Variants in PCDHGA2 observed in about 807,000 individuals in gnomAD.
PCDHGA2 encodes protocadherin gamma-A2.
In PCDHGA2, 40 loss-of-function variants were observed where a neutral mutation model predicts 59.2. That is an observed-to-expected ratio of 0.68 (90% CI 0.52 to 0.88). PCDHGA2 has a LOEUF of 0.88. PCDHGA2 is among the 40% of genes least tolerant of loss of function. PCDHGA2 has a pLI of 0.00. For missense variants in PCDHGA2, 1,226 were observed against 1,204.0 expected, an observed-to-expected ratio of 1.02 and a Z score of -0.27; for synonymous variants, 560 against 526.0, an observed-to-expected ratio of 1.06 and a Z score of -0.89.
chr5:141,399,038 A>G (rs1228007346), intron 1 of PCDHGA2: 2 of 1,613,854 alleles, frequency 1.2e-6, no homozygotes, highest in South Asian at 2.2e-5. Context: ...AAGAAACTGG[A>G]TTTTGAAGAG....
intron 1 of PCDHGA2, among the ~76,000 whole-genome samples, chr5:141,348,363 C>T (rs1416750099): frequency 6.6e-6 from 1 of 152,072 alleles, no homozygotes; most frequent in East Asian, 1.9e-4. Context: ...GAGCCTAGGA[C>T]TTTGAGACCT....
At chr5:141,403,276 C>G in intron 1 of PCDHGA2, 7 of 1,613,844 alleles carry the variant, frequency 4.3e-6, no homozygotes, top group Non-Finnish European at 5.1e-6. Context: ...ACTTTAAAGT[C>G]CTGGTTGAAG....
intron 1 of PCDHGA2, among the ~76,000 whole-genome samples, chr5:141,468,246 A>G (rs2099161183): frequency 6.7e-6 from 1 of 149,754 alleles, no homozygotes; most frequent in South Asian, 2.1e-4. Context: ...AATTGCCTGA[A>G]CCTGGGAGGC....
At chr5:141,356,568 C>T (rs772202160) in intron 1 of PCDHGA2, 1 of 1,614,150 alleles carries the variant, frequency 6.2e-7, no homozygotes, top group South Asian at 1.1e-5. Flanking sequence ...CTCATGCTTC[C>T]TACTCTGCTT....
At chr5:141,408,927 T>C (rs1220361067) in intron 1 of PCDHGA2, 5 of 1,613,512 alleles carry the variant, frequency 3.1e-6, no homozygotes, top group African/African-American at 1.3e-5. Context: ...CCCCCGGTTT[T>C]CAGCAGAGAC....
chr5:141,346,533 A>G, intron 1 of PCDHGA2: 1 of 1,567,200 alleles, frequency 6.4e-7, no homozygotes, highest in Non-Finnish European at 8.7e-7. Flanking sequence ...ACACATATGT[A>G]TTTGAGAAAT....
intron 1 of PCDHGA2, chr5:141,382,864 C>G (rs775003646): frequency 1.3e-6 from 2 of 1,516,562 alleles, no homozygotes; most frequent in Non-Finnish European, 8.8e-7. Context: ...AAGCACTTCC[C>G]GAGATCGGCG....
Position 141,366,719 on chromosome 5 carries a change from G to C in PCDHGA2, c.2424+25324G>C, listed in dbSNP as rs775968939. The C allele has an allele frequency of 1.9e-6, 3 of 1,613,834 alleles. No homozygotes were observed. The Admixed American group carries it at 5.0e-5, about 27-fold the overall frequency. ...CGAGCCTCTTCTGATGTCTGATAAG[G>C]TAGATGCAAACAAAGAAGAACGGCG... On this transcript the variant is annotated intron_variant, in intron 1 of 3. Coordinates refer to ENST00000394576, the MANE Select transcript of PCDHGA2 (RefSeq NM_018915.4).
chr5:141,469,553 G>A (rs989713451), intron 1 of PCDHGA2, among the ~76,000 whole-genome samples: 2 of 152,086 alleles, frequency 1.3e-5, no homozygotes, highest in African/African-American at 2.4e-5. Flanking sequence ...CCAGCCTGGC[G>A]ACAGAGTGAG....
rs375478611 is a variant in PCDHGA2 at position 141,371,890 on chromosome 5, G to A, written c.2424+30495G>A. ...ATCGTGGCCAGTGACCTGGAGCCGC[G>A]GGAGCTGTCGTCCTACGTGTCCGTG... On this transcript the variant is annotated intron_variant, in intron 1 of 3. Coordinates refer to ENST00000394576, the MANE Select transcript of PCDHGA2 (RefSeq NM_018915.4). 7.4e-5 allele frequency: 119 copies of A among 1,613,312 alleles called. No homozygotes were observed. The highest frequency in any genetic ancestry group is 9.7e-5 in the Non-Finnish European group (114 of 1,179,910).
chr5:141,469,711 T>C (rs894622720), intron 1 of PCDHGA2, among the ~76,000 whole-genome samples: 13 of 152,372 alleles, frequency 8.5e-5, no homozygotes, highest in African/African-American at 2.4e-4. Flanking sequence ...AATCACACTA[T>C]TAGGAATTTA....
At chr5:141,472,347 C>G (rs992566469) in intron 1 of PCDHGA2, among the ~76,000 whole-genome samples, 11 of 152,028 alleles carry the variant, frequency 7.2e-5, no homozygotes, top group Non-Finnish European at 1.2e-4. Context: ...CGAGACCATC[C>G]TGGCTAACAC....
In PCDHGA2 at chr5:141,351,797, C is replaced by T. The variant is rs773768523; in HGVS notation, c.2424+10402C>T. The T allele has an allele frequency of 2.4e-5, 39 of 1,613,244 alleles. No individual in the cohort carries two copies. In the Admixed American group the frequency reaches 5.3e-4, roughly 22 times the overall value. On this transcript the variant is annotated intron_variant, in intron 1 of 3. Coordinates refer to ENST00000394576, the MANE Select transcript of PCDHGA2 (RefSeq NM_018915.4). The stretch of plus-strand genomic sequence containing the variant: ...CCCGCAGAGCGGGGTGGTGTTCGCG[C>T]AGCGCGCCTTCGACCACGAGCAGCT...
chr5:141,379,118 C>G (rs180933858), intron 1 of PCDHGA2: 2 of 152,296 alleles, frequency 1.3e-5, no homozygotes, highest in Admixed American at 1.3e-4. Flanking sequence ...GAGAAGATAC[C>G]TTGAAAATAA....
At chr5:141,453,865 A>T (rs1048679358) in intron 1 of PCDHGA2, among the ~76,000 whole-genome samples, 2 of 152,234 alleles carry the variant, frequency 1.3e-5, no homozygotes, top group African/African-American at 4.8e-5. Flanking sequence ...AAAATAACAG[A>T]TGAGCAAAAT....
intron 1 of PCDHGA2, among the ~76,000 whole-genome samples, chr5:141,449,753 C>T (rs1260240861): frequency 6.6e-6 from 1 of 151,246 alleles, no homozygotes; most frequent in East Asian, 1.9e-4. Context: ...ATTTTTATGA[C>T]ATTTGAGAGT....
At chr5:141,463,955 A>G (rs2154568299) in intron 1 of PCDHGA2, among the ~76,000 whole-genome samples, 1 of 152,288 alleles carries the variant, frequency 6.6e-6, no homozygotes, top group Middle Eastern at 3.4e-3. Flanking sequence ...CTTCATTTTT[A>G]AAATAGCTTC....
intron 2 of PCDHGA2, 34 bp from the exon 3 acceptor site, chr5:141,505,359 G>T: frequency 1.9e-6 from 3 of 1,613,870 alleles, no homozygotes; most frequent in Non-Finnish European, 2.5e-6. Context: ...TGCCGGCCTG[G>T]GAGTCTGTGC....
rs187713374 is a variant in PCDHGA2, at chr5:141,430,744, C to G, written c.2425-64063C>G. 2.5e-4 allele frequency: 380 copies of G among 1,498,404 alleles called. 1 individual carries two copies. In the African/African-American group the frequency reaches 4.6e-3, roughly 18 times the overall value. The allele number at this position is 1,498,404 out of a possible 1,614,324, so 92.8% of individuals were successfully genotyped here. A position where few individuals can be genotyped will look rare whatever the true frequency, so the allele number is the denominator to read the frequency against. ...GTTAAGGGCAGAATTGAAAATAATTCTGGAGGAAGATAAGAATGATTCCTG... is the reference window on the plus strand; with the variant it reads ...GTTAAGGGCAGAATTGAAAATAATTGTGGAGGAAGATAAGAATGATTCCTG... On this transcript the variant is annotated intron_variant, in intron 1 of 3. Coordinates refer to ENST00000394576, the MANE Select transcript of PCDHGA2 (RefSeq NM_018915.4).
Sources: gnomAD v4.1 joint callset for allele counts (sites outside exome capture counted in the v4.1 genomes callset) on GRCh38, gnomAD v4.1.1 for gene constraint, MANE v1.5 for transcripts, NCBI Gene and HGNC (gene_info 2026-07-23, HGNC 2026-07-21) for gene names.